Variants in SAFB observed in about 807,000 individuals in gnomAD.
SAFB encodes the protein scaffold attachment factor B.
A neutral mutation model predicts 101.6 loss-of-function variants in SAFB; 15 were observed. That is an observed-to-expected ratio of 0.15 (90% CI 0.10 to 0.23). SAFB has a LOEUF of 0.23. Among genes scored for constraint, SAFB ranks in the 10% least tolerant of loss-of-function variants. The pLI is 1.00. For synonymous variants in SAFB, 449 were observed against 407.5 expected (o/e 1.10, Z -1.23); for missense variants, 930 against 1,104.1 (o/e 0.84, Z 2.23).
At position 5,644,730 on chromosome 19, in the gene SAFB, G is replaced by A. The variant is rs192484467; in HGVS notation, c.547-607G>A. Reference sequence around the variant, plus strand: ...AATTGGTTTCAGTCACAAATTATCTGAACCCCCTTTCTTTGTTTGGGGAAT... The same window carrying A: ...AATTGGTTTCAGTCACAAATTATCTAAACCCCCTTTCTTTGTTTGGGGAAT... On this transcript the variant is annotated intron_variant, in intron 4 of 20. Transcript: ENST00000588852. Among the ~76,000 whole-genome samples, 123 of 152,326 alleles carry A rather than the reference G, an allele frequency of 8.1e-4. 1 individual carries two copies. In the South Asian group the frequency reaches 0.016, roughly 19 times the overall value.
At chr19:5,657,095 A>G (rs895328704) in intron 13 of SAFB, 146 bp from the exon 14 acceptor site, 53 of 604,352 alleles carry the variant, frequency 8.8e-5, no homozygotes, top group African/African-American at 6.5e-4. Flanking sequence ...AGTAGAGTCA[A>G]GGTTTCACCA....
intron 15 of SAFB, 88 bp downstream of exon 15, chr19:5,661,896 T>G (rs2054216187): frequency 3.8e-6 from 4 of 1,059,004 alleles, no homozygotes; most frequent in Non-Finnish European, 4.0e-6. Flanking sequence ...TTTTTTTTTT[T>G]TTTTTTGAGA....
At chr19:5,649,738 G>T in intron 7 of SAFB, 188 bp from the exon 8 acceptor site, 1 of 799,326 alleles carries the variant, frequency 1.3e-6, no homozygotes. Flanking sequence ...TAGCCCAGCA[G>T]AATTAATTAA....
chr19:5,624,638 A>G (rs1216219981), intron 1 of SAFB, among the ~76,000 whole-genome samples: 1 of 150,762 alleles, frequency 6.6e-6, no homozygotes, highest in East Asian at 2.0e-4. Context: ...CTCCGGAACT[A>G]CGGAGATCAC....
rs1429120589 is a variant in SAFB at position 5,653,108 on chromosome 19, C to G, written c.1294-7C>G. The stretch of plus-strand genomic sequence containing the variant: ...GTCTGAGTCATATTTGCCTGCTTTC[C>G]TTTGAGGTGGTGGGCGCCAAGGTTG... On this transcript the variant is annotated splice_polypyrimidine_tract_variant and splice_region_variant and intron_variant, in intron 9 of 20. Coordinates refer to ENST00000588852, the MANE Select transcript of SAFB (RefSeq NM_001201338.2). 1 of 1,613,256 alleles carries G rather than the reference C, an allele frequency of 6.2e-7. No homozygotes were observed.
In SAFB at chr19:5,661,600, C is replaced by A; in HGVS notation, c.1945C>A (p.Arg649=). Residue 649 remains arginine, a synonymous_variant, in exon 15 of 21, where the codon CGA becomes AGA. Transcript: ENST00000588852. ...GGAGCGTGAGCGGCTGGAGATTGCC[C>A]GAGAGAGGCTGGCCTTCCAGCGCCA... is the stretch of plus-strand genomic sequence containing the variant. ...REERERLEIA[R]ERLAFQRQRL... is the part of the protein sequence containing the mutation. The A allele has an allele frequency of 6.2e-7, 1 of 1,612,890 alleles. No homozygotes were observed. The highest frequency in any genetic ancestry group is 8.5e-7 in the Non-Finnish European group (1 of 1,179,900).
At position 5,668,094 on chromosome 19, in the gene SAFB, T is replaced by C; in HGVS notation, c.2625-68T>C. ...GCCTGCAGGCAACACTCAGGGAAGC[T>C]GTGCAGGCTGGGATGGGCCGGGGAG... is the stretch of plus-strand genomic sequence containing the variant. On this transcript the variant is annotated intron_variant, in intron 20 of 20. Coordinates refer to ENST00000588852, the MANE Select transcript of SAFB (RefSeq NM_001201338.2). 3 of 1,563,786 alleles carry C rather than the reference T, an allele frequency of 1.9e-6. No individual in the cohort carries two copies. In the South Asian group the frequency reaches 3.5e-5, roughly 18 times the overall value.
chr19:5,648,790 C>T (rs1405498071), intron 6 of SAFB, 199 bp from the exon 7 acceptor site: 8 of 691,794 alleles, frequency 1.2e-5, no homozygotes, highest in East Asian at 5.6e-5. Flanking sequence ...TTCCGTGTAG[C>T]GTAGAGGCTT....
chr19:5,661,743 C>T lies in SAFB; in HGVS notation c.2088C>T (p.Arg696=). ...RIHREREELR[R]QQELRYEQER... The stretch of plus-strand genomic sequence containing the variant: ...ACCGTGAGCGCGAGGAGCTGAGGCG[C>T]CAGCAGGAACTGCGCTATGAGCAGG... The change falls in exon 15 of 21, where the codon CGC becomes CGT. Residue 696 remains arginine, a synonymous_variant. Transcript: ENST00000588852. 6.3e-7 allele frequency: 1 copy of T among 1,588,368 alleles called. No individual in the cohort carries two copies. The highest frequency in any genetic ancestry group is 8.5e-7 in the Non-Finnish European group (1 of 1,169,598).
At chr19:5,624,576 A>AC (rs1439912697) in intron 1 of SAFB, among the ~76,000 whole-genome samples, 16 of 146,608 alleles carry the variant, frequency 1.1e-4, no homozygotes, top group Non-Finnish European at 7.5e-5. Context: ...CTGGCCGCCC[A>AC]CCCCCCAGCC....
At chr19:5,665,537 G>A (rs1297719281) in intron 17 of SAFB, 1 of 150,192 alleles carries the variant, frequency 6.7e-6, no homozygotes, top group Non-Finnish European at 1.5e-5. Flanking sequence ...ATCTCACTAT[G>A]TTGCCCAGGC....
In SAFB at chr19:5,640,399, C is replaced by T. The variant is rs1228227889; in HGVS notation, c.275-1195C>T. On this transcript the variant is annotated intron_variant, in intron 2 of 20. Coordinates refer to ENST00000588852, the MANE Select transcript of SAFB (RefSeq NM_001201338.2). The stretch of plus-strand genomic sequence containing the variant: ...TTTTTTTTCTGGAGATGGAGTCTCG[C>T]TCTGTTGCCAGACTGGAGTGCAGTG... 1.2e-4 allele frequency among the ~76,000 whole-genome samples: 15 copies of T among 126,914 alleles called. 1 individual carries two copies. The highest frequency in any genetic ancestry group is 1.1e-3 in the Admixed American group (13 of 11,720). 83.3% of individuals were successfully genotyped at this position (126,914 alleles called of 152,430 possible). A position where few individuals can be genotyped will look rare whatever the true frequency, so the allele number is the denominator to read the frequency against.
At chr19:5,650,106 C>G (rs755573316) in intron 8 of SAFB, 131 bp downstream of exon 8, 6 of 708,400 alleles carry the variant, frequency 8.5e-6, no homozygotes, top group Non-Finnish European at 1.5e-5. Flanking sequence ...CAGTCTTTCT[C>G]CTTCTCTGCT....
rs759202406 is a variant in SAFB at position 5,641,904 on chromosome 19, G to C, written c.504G>C (p.Glu168Asp). ...ESLSDSRELV[E>D]GEMKELPEQL... is the part of the protein sequence containing the mutation. ...TGTCGGATAGTAGAGAGCTAGTCGA[G>C]GGGGAAATGAAAGAGCTTCCGGAGC... Residue 168 changes from glutamate to aspartate, a missense_variant, in exon 4 of 21, where the codon GAG (glutamate) becomes GAC (aspartate). Around this residue, in one of 7 missense-constraint regions of SAFB, gnomAD observed 130 missense variants for 114.2 expected, o/e 1.14. Transcript: ENST00000588852. The C allele has an allele frequency of 2.5e-6, 4 of 1,614,020 alleles. No individual in the cohort carries two copies. Among genetic ancestry groups the C allele is most frequent in the Non-Finnish European group, 3.4e-6 (4 of 1,180,002 alleles).
intron 9 of SAFB, 73 bp downstream of exon 9, chr19:5,651,145 C>T (rs2053929641): frequency 2.2e-6 from 2 of 912,032 alleles, no homozygotes; most frequent in East Asian, 2.5e-5. Context: ...GAGGTCCTCT[C>T]CCCTCAGTGA....
chr19:5,642,647 C>CTTTATTT (rs1260246703), intron 4 of SAFB, among the ~76,000 whole-genome samples: 1 of 73,514 alleles, frequency 1.4e-5, no homozygotes, highest in Admixed American at 1.7e-4. Context: ...TATGCCCTTC[C>CTTTATTT]TTTCTTTTTT....
At chr19:5,662,643 C>CTTTT (rs564198873) in intron 15 of SAFB, among the ~76,000 whole-genome samples, 5 of 139,132 alleles carry the variant, frequency 3.6e-5, no homozygotes, top group African/African-American at 1.3e-4. Context: ...AGGCCCTTTC[C>CTTTT]TTTTTTTTTT....
intron 2 of SAFB, among the ~76,000 whole-genome samples, chr19:5,632,048 C>T (rs760051267): frequency 6.6e-6 from 1 of 151,726 alleles, no homozygotes; most frequent in Admixed American, 6.6e-5. Flanking sequence ...GACTCTGTCT[C>T]GAAAAAATAA....
chr19:5,661,537 GAACGCGAAC>G lies in SAFB; in HGVS notation c.1888_1896del (p.Glu630_Arg632del). The G allele has an allele frequency of 6.2e-7, 1 of 1,612,898 alleles. No individual in the cohort carries two copies. The highest frequency in any genetic ancestry group is 8.5e-7 in the Non-Finnish European group (1 of 1,179,836). The stretch of plus-strand genomic sequence containing the variant: ...GTGCAGCAGGGTGCGTGAACGCAGT[GAACGCGAAC>G]AACGCATGCAGGCGCAGTGGGAGCG... On this transcript the variant is annotated inframe_deletion, in exon 15 of 21. Transcript: ENST00000588852.
Sources: allele counts gnomAD v4.1 joint callset (sites outside exome capture counted in the v4.1 genomes callset), GRCh38; gene constraint gnomAD v4.1.1; regional missense constraint gnomAD v4.1.1; transcripts MANE v1.5; gene names NCBI Gene and HGNC (gene_info 2026-07-23, HGNC 2026-07-21).